The following CSMD1 variants were observed in gnomAD, a reference collection of about 807,000 sequenced individuals.
CSMD1 encodes the protein CUB and sushi domain-containing protein 1.
Under a neutral mutation model 417.5 loss-of-function variants are expected in CSMD1, and 213 were observed. The observed-to-expected ratio is 0.51, with a 90% CI of 0.46 to 0.57. The LOEUF (loss-of-function observed/expected upper bound fraction) is 0.57. Among genes scored for constraint, CSMD1 ranks in the 20% least tolerant of loss-of-function variants. The pLI, the probability that CSMD1 is intolerant of heterozygous loss-of-function variation, is 0.00. For missense variants in CSMD1, 6,923 were observed against 4,529.7 expected, an observed-to-expected ratio of 1.53 and a Z score of -15.17; for synonymous variants, 2,862 against 1,736.8, an observed-to-expected ratio of 1.65 and a Z score of -16.11.
At chr8:3,827,704 T>C (rs751926007) in intron 5 of CSMD1, among the ~76,000 whole-genome samples, 7 of 152,242 alleles carry the variant, frequency 4.6e-5, no homozygotes, top group Admixed American at 1.3e-4. Flanking sequence ...TTGTGAGTTT[T>C]GTCAGGATTT....
chr8:4,072,148 T>C (rs967194386), intron 3 of CSMD1, among the ~76,000 whole-genome samples: 5 of 152,248 alleles, frequency 3.3e-5, no homozygotes, highest in African/African-American at 1.2e-4. Flanking sequence ...TCTGCCTGTT[T>C]CTTTTCAACT....
intron 1 of CSMD1, among the ~76,000 whole-genome samples, chr8:4,736,520 G>A (rs1034219701): frequency 6.6e-6 from 1 of 152,078 alleles, no homozygotes; most frequent in East Asian, 1.9e-4. Context: ...CATACACTGC[G>A]GCCATGACAG....
chr8:3,694,675 C>A (rs1180176803), intron 7 of CSMD1, among the ~76,000 whole-genome samples: 1 of 151,854 alleles, frequency 6.6e-6, no homozygotes, highest in Admixed American at 6.6e-5. Context: ...AGGTGCTCCA[C>A]TGAACTGCTG....
chr8:4,094,394 G>C (rs1800889828), intron 3 of CSMD1, among the ~76,000 whole-genome samples: 1 of 152,010 alleles, frequency 6.6e-6, no homozygotes, highest in African/African-American at 2.4e-5. Context: ...TTAGTTTTGA[G>C]AACTATGTTG....
chr8:4,851,550 T>C (rs939259883), intron 1 of CSMD1, among the ~76,000 whole-genome samples: 1 of 152,122 alleles, frequency 6.6e-6, no homozygotes. Flanking sequence ...TCTACCCCCA[T>C]AGGTTCAGAA....
At position 4,227,387 on chromosome 8, in the gene CSMD1, C is replaced by G. The variant is rs369807118; in HGVS notation, c.415+192566G>C. Among the ~76,000 whole-genome samples, 4 of 152,208 alleles carry G rather than the reference C, an allele frequency of 2.6e-5. No individual in the cohort carries two copies. In the East Asian group the frequency reaches 5.8e-4, roughly 22 times the overall value. On this transcript the variant is annotated intron_variant, in intron 3 of 69. Coordinates refer to ENST00000635120, the MANE Select transcript of CSMD1 (RefSeq NM_033225.6). ...TAACATTTTAAGAACCCTATTCTAT[C>G]CACTTATAAGAACCCTGTTGTCTTC...
At chr8:4,700,389 T>C (rs191480405) in intron 1 of CSMD1, among the ~76,000 whole-genome samples, 43 of 152,222 alleles carry the variant, frequency 2.8e-4, no homozygotes, top group African/African-American at 9.9e-4. Flanking sequence ...GATCATTTGC[T>C]ATACTTTGCT....
At chr8:3,364,208 A>T (rs1475809172) in intron 20 of CSMD1, among the ~76,000 whole-genome samples, 1 of 152,144 alleles carries the variant, frequency 6.6e-6, no homozygotes, top group Non-Finnish European at 1.5e-5. Context: ...TTTGCAGCAC[A>T]GTTTCTAGGC....
intron 5 of CSMD1, among the ~76,000 whole-genome samples, chr8:3,839,981 A>C (rs1431768884): frequency 2.0e-5 from 3 of 152,148 alleles, no homozygotes; most frequent in Non-Finnish European, 4.4e-5. Flanking sequence ...TGAGATGTTG[A>C]AGGATGCATT....
At chr8:3,964,252 T>G (rs1358086264) in intron 5 of CSMD1, among the ~76,000 whole-genome samples, 1 of 152,206 alleles carries the variant, frequency 6.6e-6, no homozygotes, top group East Asian at 1.9e-4. Flanking sequence ...TTTGTGGCTA[T>G]CCCTCCTTTG....
chr8:4,037,705 A>G (rs905822212), intron 3 of CSMD1, among the ~76,000 whole-genome samples: 8 of 152,190 alleles, frequency 5.3e-5, no homozygotes, highest in African/African-American at 1.9e-4. Flanking sequence ...ATTGAATGAG[A>G]TAACAGGTCT....
At chr8:4,413,426 G>C (rs1396872317) in intron 3 of CSMD1, among the ~76,000 whole-genome samples, 5 of 152,212 alleles carry the variant, frequency 3.3e-5, no homozygotes, top group East Asian at 3.9e-4. Flanking sequence ...TGTTTCTTTA[G>C]GGCAGTTCAG....
intron 3 of CSMD1, among the ~76,000 whole-genome samples, chr8:4,293,777 TAAAAC>T (rs950592715): frequency 1.2e-4 from 18 of 152,308 alleles, no homozygotes; most frequent in African/African-American, 4.3e-4. Context: ...TTGGTACAAA[TAAAAC>T]AAGGAACATT....
chr8:4,927,158 G>C (rs183858813), intron 1 of CSMD1, among the ~76,000 whole-genome samples: 2 of 151,132 alleles, frequency 1.3e-5, no homozygotes, highest in Admixed American at 1.3e-4. Flanking sequence ...CCAGGCTGGA[G>C]TGCAATGGCA....
intron 3 of CSMD1, among the ~76,000 whole-genome samples, chr8:4,118,879 G>C (rs1585353163): frequency 6.6e-6 from 1 of 152,116 alleles, no homozygotes; most frequent in African/African-American, 2.4e-5. Flanking sequence ...AAAGAAATGT[G>C]GCACATATAC....
intron 7 of CSMD1, among the ~76,000 whole-genome samples, chr8:3,679,082 C>A (rs952108246): frequency 1.1e-4 from 16 of 152,010 alleles, no homozygotes; most frequent in Non-Finnish European, 1.9e-4. Flanking sequence ...CAAAAACATG[C>A]CAAATTGTAA....
At position 3,349,832 on chromosome 8, in the gene CSMD1, A is replaced by ATCTAG. The variant is rs1208862809; in HGVS notation, c.3305-1672_3305-1671insCTAGA. Among the ~76,000 whole-genome samples, 1,368 of 138,328 alleles carry ATCTAG rather than the reference A, an allele frequency of 9.9e-3. 19 individuals are homozygous for ATCTAG. Among genetic ancestry groups the ATCTAG allele is most frequent in the African/African-American group, 0.032 (1,220 of 38,268 alleles). The allele number at this position is 138,328 out of a possible 152,430, so 90.7% of individuals were successfully genotyped here. A position where few individuals can be genotyped will look rare whatever the true frequency, so the allele number is the denominator to read the frequency against. On this transcript the variant is annotated intron_variant, in intron 21 of 69. Transcript: ENST00000635120. Reference sequence around the variant, plus strand: ...ATAAATATACATATAAAATATATATAATATATCTAGATATAAATATATATA... The same window carrying ATCTAG: ...ATAAATATACATATAAAATATATATATCTAGATATATCTAGATATAAATATATATA...
chr8:4,446,324 G>T (rs1417198865), intron 2 of CSMD1, among the ~76,000 whole-genome samples: 1 of 152,160 alleles, frequency 6.6e-6, no homozygotes, highest in African/African-American at 2.4e-5. Context: ...AGCATGGGTG[G>T]ATCGCTTGAG....
At chr8:4,252,732 A>G (rs1803163323) in intron 3 of CSMD1, among the ~76,000 whole-genome samples, 1 of 152,234 alleles carries the variant, frequency 6.6e-6, no homozygotes, top group Non-Finnish European at 1.5e-5. Flanking sequence ...TACAGGAATT[A>G]TGAGAGCGCT....
Sources: gnomAD v4.1 joint callset for allele counts (sites outside exome capture counted in the v4.1 genomes callset) on GRCh38, gnomAD v4.1.1 for gene constraint, MANE v1.5 for transcripts, NCBI Gene and HGNC (gene_info 2026-07-23, HGNC 2026-07-21) for gene names.